Variants in LCOR observed in about 807,000 individuals in gnomAD.
LCOR encodes ligand dependent nuclear receptor corepressor.
LCOR carries 14 observed loss-of-function variants against 64.4 expected under a neutral mutation model. The observed-to-expected ratio is 0.22, with a 90% CI of 0.14 to 0.34. The LOEUF (loss-of-function observed/expected upper bound fraction) is 0.34. Ranked by LOEUF, LCOR falls within the 10% of genes least tolerant of loss-of-function variation. The probability of loss-of-function intolerance (pLI) is 1.00; values close to 1 mark genes in which losing one functional copy is unlikely to be tolerated. For missense variants in LCOR, 1,686 were observed against 1,765.3 expected, an observed-to-expected ratio of 0.96 and a Z score of 0.80; for synonymous variants, 643 against 642.5, an observed-to-expected ratio of 1.00 and a Z score of -0.01.
intron 2 of LCOR, among the ~76,000 whole-genome samples, chr10:96,837,240 T>C (rs1424383350): frequency 3.9e-5 from 6 of 152,214 alleles, no homozygotes; most frequent in Admixed American, 6.5e-5. Flanking sequence ...TCTGCCCGCC[T>C]TGGCCTCCCA....
intron 7 of LCOR, among the ~76,000 whole-genome samples, chr10:96,970,629 T>TTTTATTTTATTTTA (rs1847991273): frequency 6.1e-5 from 7 of 114,820 alleles, no homozygotes; most frequent in East Asian, 4.6e-4. Context: ...ATTTTATTTA[T>TTTTATTTTATTTTA]TTTATTTTAT....
chr10:96,842,632 CT>C lies in LCOR; in HGVS notation c.-330+9169del, dbSNP rs976571447. On this transcript the variant is annotated intron_variant, in intron 2 of 7. Coordinates refer to ENST00000421806, the MANE Select transcript of LCOR (RefSeq NM_001346516.2). ...AGCTTGCTTTTTTTTCTTTTCTTTT[CT>C]TTTTTTTTTTTTTTTGAGACTGAGT... Among the ~76,000 whole-genome samples the C allele has an allele frequency of 5.9e-3, 790 of 134,320 alleles. 1 individual carries two copies. Among genetic ancestry groups the C allele is most frequent in the African/African-American group, 0.017 (617 of 36,892 alleles). The allele number at this position is 134,320 out of a possible 152,430, so 88.1% of individuals were successfully genotyped here. A position where few individuals can be genotyped will look rare whatever the true frequency, so the allele number is the denominator to read the frequency against.
intron 7 of LCOR, chr10:96,960,316 A>G (rs1847859461): frequency 6.6e-6 from 1 of 152,206 alleles, no homozygotes; most frequent in South Asian, 2.1e-4. Flanking sequence ...TTTTCATAAG[A>G]CAAATTGAGT....
At chr10:96,894,834 G>T (rs1846510008) in intron 2 of LCOR, among the ~76,000 whole-genome samples, 1 of 152,138 alleles carries the variant, frequency 6.6e-6, no homozygotes, top group Non-Finnish European at 1.5e-5. Flanking sequence ...GACATTTGGA[G>T]TGGGTTAAGA....
At position 96,986,580 on chromosome 10, in the gene LCOR, T is replaced by G. The variant is rs549108215; in HGVS notation, c.*1446T>G. 1.3e-5 allele frequency: 2 copies of G among 152,370 alleles called. No individual in the cohort carries two copies. The highest frequency in any genetic ancestry group is 6.5e-5 in the Admixed American group (1 of 15,304). The allele number at this position is 152,370 out of a possible 1,614,324, so 9.4% of individuals were successfully genotyped here. A position where few individuals can be genotyped will look rare whatever the true frequency, so the allele number is the denominator to read the frequency against. ...TCTCAGAAGTGAGAGCCACAATGTT[T>G]TAATGACTTTGTTTGCCTTTCCCAG... On this transcript the variant is annotated 3_prime_UTR_variant, in exon 8 of 8. Transcript: ENST00000421806.
rs932624514 is a variant in LCOR, at chr10:96,995,368, A to G, written c.*10234A>G. ...GCCTGTGTGACAGTGTCTTTCCCGA[A>G]GCAGTGAAATGAGAAATTCTGCAAG... On this transcript the variant is annotated 3_prime_UTR_variant, in exon 8 of 8. Coordinates refer to ENST00000421806, the MANE Select transcript of LCOR (RefSeq NM_001346516.2). The surrounding 1 kb of genome is among the most constrained non-coding windows in gnomAD (Gnocchi z 4.2). 1.3e-5 allele frequency: 2 copies of G among 152,262 alleles called. No individual in the cohort carries two copies. Among genetic ancestry groups the G allele is most frequent in the Non-Finnish European group, 2.9e-5 (2 of 68,090 alleles). 9.4% of individuals were successfully genotyped at this position (152,262 alleles called of 1,614,324 possible). A position where few individuals can be genotyped will look rare whatever the true frequency, so the allele number is the denominator to read the frequency against.
intron 2 of LCOR, among the ~76,000 whole-genome samples, chr10:96,855,409 C>T (rs575884393): frequency 2.0e-5 from 3 of 150,840 alleles, no homozygotes; most frequent in African/African-American, 7.4e-5. Flanking sequence ...TTTTGACTGA[C>T]GCTGTTTTTT....
At position 96,982,234 on chromosome 10, in the gene LCOR, G is replaced by A. The variant is rs917597716; in HGVS notation, c.1774G>A (p.Glu592Lys). ...ACCTCGAAAAGAACCTCAAGAGCCTGAGGTTTGCCCCACAAAGATTAAGCC... is the reference window on the plus strand; with the variant it reads ...ACCTCGAAAAGAACCTCAAGAGCCTAAGGTTTGCCCCACAAAGATTAAGCC... Reference protein sequence around the residue: ...VSPRKEPQEPEVCPTKIKPNL... With the variant: ...VSPRKEPQEPKVCPTKIKPNL... Residue 592 changes from glutamate to lysine, a missense_variant, in exon 8 of 8, where the codon GAG becomes AAG. Around this residue, in one of 3 missense-constraint regions of LCOR, gnomAD observed 1,293 missense variants for 1,410.4 expected, o/e 0.92. Coordinates refer to ENST00000421806, the MANE Select transcript of LCOR (RefSeq NM_001346516.2). The A allele has an allele frequency of 1.2e-6, 2 of 1,614,200 alleles. No individual in the cohort carries two copies. Among genetic ancestry groups the A allele is most frequent in the Non-Finnish European group, 1.7e-6 (2 of 1,180,030 alleles).
rs1848145514 is a variant in LCOR, at chr10:96,985,901, C to G, written c.*767C>G. On this transcript the variant is annotated 3_prime_UTR_variant, in exon 8 of 8. Coordinates refer to ENST00000421806, the MANE Select transcript of LCOR (RefSeq NM_001346516.2). ...ATCCCCAAACTGTATTACTAATTCT[C>G]ACCATCTTCTTCATTTCTGGTCTTG... The G allele has an allele frequency of 1.2e-5, 2 of 167,060 alleles. No individual in the cohort carries two copies. The highest frequency in any genetic ancestry group is 4.8e-5 in the African/African-American group (2 of 41,440). 10.3% of individuals were successfully genotyped at this position (167,060 alleles called of 1,614,324 possible).
intron 6 of LCOR, among the ~76,000 whole-genome samples, chr10:96,950,368 A>G (rs1475410431): frequency 6.6e-6 from 1 of 152,094 alleles, no homozygotes; most frequent in Non-Finnish European, 1.5e-5. Flanking sequence ...ACTTGTTCAC[A>G]TTGCTCATGT....
At chr10:96,934,402 G>A (rs1384864308) in intron 4 of LCOR, among the ~76,000 whole-genome samples, 1 of 152,014 alleles carries the variant, frequency 6.6e-6, no homozygotes, top group Admixed American at 6.6e-5. Flanking sequence ...AAAGCTTAAG[G>A]ACTGCTTTCT....
chr10:96,913,098 A>G (rs559754013), intron 4 of LCOR, among the ~76,000 whole-genome samples: 1 of 151,244 alleles, frequency 6.6e-6, no homozygotes, highest in African/African-American at 2.4e-5. Flanking sequence ...AAGATGTTCC[A>G]GTCTTAACAT....
At chr10:96,873,038 G>C (rs529668355) in intron 2 of LCOR, among the ~76,000 whole-genome samples, 1 of 151,406 alleles carries the variant, frequency 6.6e-6, no homozygotes, top group Non-Finnish European at 1.5e-5. Context: ...CATAGACACA[G>C]ATAGGGTGAG....
chr10:96,942,308 C>T (rs1321105340), intron 4 of LCOR, among the ~76,000 whole-genome samples: 8 of 150,880 alleles, frequency 5.3e-5, no homozygotes, highest in Middle Eastern at 3.5e-3. Context: ...TCAGGCGTGG[C>T]GGCGCGCGCC....
At chr10:96,880,691 C>G (rs1846248108) in intron 2 of LCOR, among the ~76,000 whole-genome samples, 1 of 152,222 alleles carries the variant, frequency 6.6e-6, no homozygotes, top group Non-Finnish European at 1.5e-5. Flanking sequence ...AGCCACCACA[C>G]CTGGCCAGTT....
At chr10:96,881,462 G>GTT (rs59154370) in intron 2 of LCOR, among the ~76,000 whole-genome samples, 1 of 145,420 alleles carries the variant, frequency 6.9e-6, no homozygotes, top group Non-Finnish European at 1.5e-5. Context: ...GTTGTTTTTT[G>GTT]TTTTTTTTTT....
intron 2 of LCOR, among the ~76,000 whole-genome samples, chr10:96,844,369 C>T (rs918487992): frequency 6.6e-6 from 1 of 151,818 alleles, no homozygotes; most frequent in Admixed American, 6.6e-5. Flanking sequence ...CAGTTTTCTT[C>T]AATCTTCAGC....
chr10:96,985,252 C>A lies in LCOR; in HGVS notation c.*118C>A. ...TTTCAAATTTACAGTTAATGGAGAA[C>A]ACCGTAATTTGAGATGTCAGAAAAT... On this transcript the variant is annotated 3_prime_UTR_variant, in exon 8 of 8. Transcript: ENST00000421806. The A allele has an allele frequency of 7.9e-7, 1 of 1,268,758 alleles. No individual in the cohort carries two copies. Among genetic ancestry groups the A allele is most frequent in the Non-Finnish European group, 1.0e-6 (1 of 961,876 alleles). 78.6% of individuals were successfully genotyped at this position (1,268,758 alleles called of 1,614,324 possible).
intron 2 of LCOR, among the ~76,000 whole-genome samples, chr10:96,834,366 C>T (rs1337576565): frequency 6.6e-6 from 1 of 152,192 alleles, no homozygotes; most frequent in Non-Finnish European, 1.5e-5. Flanking sequence ...CAATCCAAGA[C>T]CAGTGCTGCC....
Sources: allele counts gnomAD v4.1 joint callset (sites outside exome capture counted in the v4.1 genomes callset), GRCh38; gene constraint gnomAD v4.1.1; regional missense constraint gnomAD v4.1.1; non-coding constraint Gnocchi (gnomAD v3.1); transcripts MANE v1.5; gene names NCBI Gene and HGNC (gene_info 2026-07-23, HGNC 2026-07-21).